PTPN21: variants seen among roughly 807,000 people sequenced by gnomAD.
The protein encoded by PTPN21 is protein tyrosine phosphatase non-receptor type 21, also known as tyrosine-protein phosphatase non-receptor type 21.
PTPN21 carries 77 observed loss-of-function variants against 131.8 expected under a neutral mutation model. The ratio of observed to expected loss-of-function variants is 0.58; its 90% CI spans 0.49 to 0.71. PTPN21 has a LOEUF of 0.71. PTPN21 is among the 30% of genes least tolerant of loss of function. The probability of loss-of-function intolerance (pLI) is 0.00; values close to 1 mark genes in which losing one functional copy is unlikely to be tolerated. For synonymous variants in PTPN21, 715 were observed against 621.3 expected (o/e 1.15, Z -2.24); for missense variants, 1,552 against 1,527.1 (o/e 1.02, Z -0.27).
At chr14:88,504,314 T>G in intron 6 of PTPN21, 111 bp downstream of exon 6, 2 of 885,598 alleles carry the variant, frequency 2.3e-6, no homozygotes, top group South Asian at 3.3e-5. Context: ...TGTTCCAAAT[T>G]TAGTTGGGCA....
chr14:88,503,519 A>C (rs752315908), intron 6 of PTPN21, among the ~76,000 whole-genome samples: 1 of 152,190 alleles, frequency 6.6e-6, no homozygotes, highest in Non-Finnish European at 1.5e-5. Context: ...TTCAGTAGGA[A>C]CTGTACTTCG....
rs375958467 is a variant in PTPN21 at position 88,498,315 on chromosome 14, G to A, written c.765-1025C>T. Among the ~76,000 whole-genome samples the A allele has an allele frequency of 2.0e-4, 31 of 151,928 alleles. 1 individual carries two copies. The highest frequency in any genetic ancestry group is 7.2e-4 in the African/African-American group (30 of 41,482). On this transcript the variant is annotated intron_variant, in intron 8 of 18. Transcript: ENST00000556564. ...CAGAAAAAAGAAAAAAAAAAACAGT[G>A]GTTTTAATCAGCTAGCATGAATGTT...
intron 18 of PTPN21, among the ~76,000 whole-genome samples, chr14:88,468,486 C>G (rs924469814): frequency 6.6e-6 from 1 of 152,156 alleles, no homozygotes; most frequent in East Asian, 1.9e-4. Flanking sequence ...CAACATTCCC[C>G]AGGTGTAGCT....
At position 88,469,394 on chromosome 14, in the gene PTPN21, C is replaced by G. The variant is rs1280043792; in HGVS notation, c.3235+105G>C. Reference sequence around the variant, plus strand: ...TCTTTATGTTAAAACAAGTCCGAAGCTTATATGAGATAACATAAAGGAAAT... The same window carrying G: ...TCTTTATGTTAAAACAAGTCCGAAGGTTATATGAGATAACATAAAGGAAAT... On this transcript the variant is annotated intron_variant, in intron 17 of 18. Coordinates refer to ENST00000556564, the MANE Select transcript of PTPN21 (RefSeq NM_007039.4). The surrounding 1 kb of genome is among the most constrained non-coding windows in gnomAD (Gnocchi z 4.3). The G allele has an allele frequency of 1.9e-6, 2 of 1,039,876 alleles. No homozygotes were observed. Among genetic ancestry groups the G allele is most frequent in the Non-Finnish European group, 2.8e-6 (2 of 704,530 alleles). The allele number at this position is 1,039,876 out of a possible 1,614,324, so 64.4% of individuals were successfully genotyped here. A position where few individuals can be genotyped will look rare whatever the true frequency, so the allele number is the denominator to read the frequency against.
intron 2 of PTPN21, among the ~76,000 whole-genome samples, chr14:88,540,203 C>T (rs1301511392): frequency 1.3e-5 from 2 of 152,104 alleles, no homozygotes; most frequent in East Asian, 1.9e-4. Context: ...AAAGTGGAAA[C>T]GGCTAAAGAA....
At chr14:88,478,057 A>G (rs1475949967) in intron 13 of PTPN21, among the ~76,000 whole-genome samples, 1 of 152,194 alleles carries the variant, frequency 6.6e-6, no homozygotes, top group Non-Finnish European at 1.5e-5. Context: ...TGACCTTGGA[A>G]AAGTTAGTTA....
At chr14:88,497,773 T>G (rs980533657) in intron 8 of PTPN21, among the ~76,000 whole-genome samples, 1 of 150,398 alleles carries the variant, frequency 6.6e-6, no homozygotes, top group Non-Finnish European at 1.5e-5. Context: ...AGTGAGACAC[T>G]GCCTCAAACA....
At chr14:88,486,921 A>C (rs781705621) in intron 10 of PTPN21, among the ~76,000 whole-genome samples, 1 of 150,290 alleles carries the variant, frequency 6.7e-6, no homozygotes, top group Non-Finnish European at 1.5e-5. Flanking sequence ...GGTTGCAGTG[A>C]GCCGAGATTG....
chr14:88,527,460 A>G (rs2078496040), intron 2 of PTPN21, among the ~76,000 whole-genome samples: 1 of 152,112 alleles, frequency 6.6e-6, no homozygotes, highest in Non-Finnish European at 1.5e-5. Context: ...TCTTCTTTTG[A>G]GAATTGTCTA....
At chr14:88,522,835 A>G (rs553548582) in intron 2 of PTPN21, among the ~76,000 whole-genome samples, 10 of 152,280 alleles carry the variant, frequency 6.6e-5, no homozygotes, top group African/African-American at 9.6e-5. Flanking sequence ...ATCTGATTCC[A>G]TGAGATTTTA....
At chr14:88,535,765 A>G (rs2078622143) in intron 2 of PTPN21, among the ~76,000 whole-genome samples, 1 of 152,212 alleles carries the variant, frequency 6.6e-6, no homozygotes, top group African/African-American at 2.4e-5. Context: ...ACTTTTACTA[A>G]AAGAAAGGCA....
intron 8 of PTPN21, among the ~76,000 whole-genome samples, chr14:88,499,755 C>G (rs1259903487): frequency 6.6e-6 from 1 of 152,174 alleles, no homozygotes; most frequent in Non-Finnish European, 1.5e-5. Flanking sequence ...ATATGTTTTC[C>G]TGCCTTATAA....
In PTPN21 at chr14:88,469,763, C is replaced by T. The variant is rs73329650; in HGVS notation, c.3001-30G>A. ...TAAAGATGAGCATGGTTAAATGACT[C>T]GAGATCCGGCAATGGATGCCTTTCT... is the stretch of plus-strand genomic sequence containing the variant. On this transcript the variant is annotated intron_variant, in intron 16 of 18. Transcript: ENST00000556564. The surrounding 1 kb of genome is among the most constrained non-coding windows in gnomAD (Gnocchi z 4.3). 11,097 of 1,610,474 alleles carry T rather than the reference C, an allele frequency of 6.9e-3. 657 individuals carry two copies. The African/African-American group carries it at 0.13, about 19-fold the overall frequency.
intron 10 of PTPN21, among the ~76,000 whole-genome samples, chr14:88,490,521 A>C (rs2077807510): frequency 6.6e-6 from 1 of 151,738 alleles, no homozygotes; most frequent in Non-Finnish European, 1.5e-5. Context: ...GGTCCTCTCT[A>C]CACTTCTGGG....
At chr14:88,510,609 G>A (rs2078162798) in intron 3 of PTPN21, among the ~76,000 whole-genome samples, 1 of 152,144 alleles carries the variant, frequency 6.6e-6, no homozygotes. Context: ...CAATGGTCGA[G>A]AGCAAGGACC....
At chr14:88,487,377 G>A (rs1043748757) in intron 10 of PTPN21, among the ~76,000 whole-genome samples, 2 of 152,026 alleles carry the variant, frequency 1.3e-5, no homozygotes, top group Admixed American at 1.3e-4. Flanking sequence ...CTAATTACTA[G>A]AAAATCCATC....
intron 9 of PTPN21, 148 bp downstream of exon 9, chr14:88,497,055 G>T: frequency 1.3e-6 from 1 of 746,280 alleles, no homozygotes; most frequent in Non-Finnish European, 2.2e-6. Context: ...TTTGCAAAAT[G>T]CTATATGATA....
intron 2 of PTPN21, among the ~76,000 whole-genome samples, chr14:88,530,444 C>T (rs139287790): frequency 1.7e-4 from 26 of 152,212 alleles, no homozygotes; most frequent in African/African-American, 5.5e-4. Context: ...TCAGTACTAA[C>T]CTTGAATGTA....
At chr14:88,546,912 A>C (rs2078790629) in intron 2 of PTPN21, among the ~76,000 whole-genome samples, 1 of 152,226 alleles carries the variant, frequency 6.6e-6, no homozygotes, top group Admixed American at 6.5e-5. Flanking sequence ...TCAAAGAAAA[A>C]GTTTGCTATA....
Sources: allele counts gnomAD v4.1 joint callset (sites outside exome capture counted in the v4.1 genomes callset), GRCh38; gene constraint gnomAD v4.1.1; non-coding constraint Gnocchi (gnomAD v3.1); transcripts MANE v1.5; gene names NCBI Gene and HGNC (gene_info 2026-07-23, HGNC 2026-07-21).